Variants in HARS1 observed in about 807,000 individuals in gnomAD.
HARS1 encodes histidine--tRNA ligase, cytoplasmic.
HARS1 carries 45 observed loss-of-function variants against 63.6 expected under a neutral mutation model. The ratio of observed to expected loss-of-function variants is 0.71; its 90% CI spans 0.56 to 0.91. The LOEUF is 0.91. HARS1 is among the 40% of genes least tolerant of loss of function. HARS1 has a pLI of 0.00. For synonymous variants in HARS1, 205 were observed against 247.1 expected, an observed-to-expected ratio of 0.83 and a Z score of 1.60; for missense variants, 508 against 643.2, an observed-to-expected ratio of 0.79 and a Z score of 2.27.
intron 3 of HARS1, among the ~76,000 whole-genome samples, chr5:140,681,937 G>A (rs1758754670): frequency 6.6e-6 from 1 of 152,212 alleles, no homozygotes; most frequent in African/African-American, 2.4e-5. Flanking sequence ...AAGAGACATT[G>A]ATGAAGGAAA....
chr5:140,684,265 G>T, intron 2 of HARS1: 1 of 740,666 alleles, frequency 1.4e-6, no homozygotes, highest in Non-Finnish European at 1.6e-6. Context: ...ACTCCAGCCT[G>T]GGAGACAGAG....
intron 2 of HARS1, among the ~76,000 whole-genome samples, chr5:140,686,885 G>A (rs1346434497): frequency 2.0e-5 from 3 of 152,192 alleles, no homozygotes; most frequent in Non-Finnish European, 4.4e-5. Flanking sequence ...GAGCCACCAT[G>A]CCCTGACTAA....
At position 140,683,177 on chromosome 5, in the gene HARS1, T is replaced by G; in HGVS notation, c.223A>C (p.Lys75Gln). The change falls in exon 3 of 13, where the codon AAG (lysine) becomes CAG (glutamine). Residue 75 changes from lysine to glutamine, a missense_variant. Transcript: ENST00000504156. Reference protein sequence around the residue: ...YSPRQMAVREKVFDVIIRCFK... With the variant: ...YSPRQMAVREQVFDVIIRCFK... ...CAACGGATGATTACGTCAAACACCTTCTCGCGAACTGCCATCTGCCGGGGA... is the reference window on the plus strand; with the variant it reads ...CAACGGATGATTACGTCAAACACCTGCTCGCGAACTGCCATCTGCCGGGGA... The G allele has an allele frequency of 6.2e-7, 1 of 1,613,816 alleles. No individual in the cohort carries two copies. The highest frequency in any genetic ancestry group is 1.3e-5 in the African/African-American group (1 of 75,044).
chr5:140,675,805 T>G (rs1222680186), intron 10 of HARS1: 2 of 152,230 alleles, frequency 1.3e-5, no homozygotes, highest in African/African-American at 4.8e-5. Flanking sequence ...AGGAGAATGC[T>G]GCTGCTGCTT....
At chr5:140,680,554 T>A (rs560676062) in intron 3 of HARS1, among the ~76,000 whole-genome samples, 4 of 152,146 alleles carry the variant, frequency 2.6e-5, no homozygotes, top group South Asian at 2.1e-4. Context: ...TAAAAAAAAA[T>A]TTTTTTAGGC....
At chr5:140,686,236 TTTTA>T (rs1248402972) in intron 2 of HARS1, among the ~76,000 whole-genome samples, 1 of 147,850 alleles carries the variant, frequency 6.8e-6, no homozygotes, top group Non-Finnish European at 1.5e-5. Flanking sequence ...CCTGGCCTGT[TTTTA>T]TTTGTTTGTT....
Position 140,691,370 on chromosome 5 carries a change from T to C in HARS1, c.-66A>G, listed in dbSNP as rs1485769913. The C allele has an allele frequency of 3.2e-6, 4 of 1,245,138 alleles. No individual in the cohort carries two copies. The highest frequency in any genetic ancestry group is 2.1e-5 in the Admixed American group (1 of 47,298). 77.1% of individuals were successfully genotyped at this position (1,245,138 alleles called of 1,614,324 possible). On this transcript the variant is annotated 5_prime_UTR_variant, in exon 1 of 13. Transcript: ENST00000504156. ...GTGGTTGCCCCAGCCTCAGCAAGGA[T>C]GACTTCCGGCTATCGAGTCGCTGGG...
rs1193127905 is a variant in HARS1, at chr5:140,683,097, C to T, written c.300+3G>A. The T allele has an allele frequency of 2.5e-6, 4 of 1,612,380 alleles. No homozygotes were observed. The highest frequency in any genetic ancestry group is 3.4e-6 in the Non-Finnish European group (4 of 1,178,936). ...ATGTAGTTTCTTCTTGCCCATTCCT[C>T]ACCTTTAGTTCAAATACAGGTGTAT... is the stretch of plus-strand genomic sequence containing the variant. On this transcript the variant is annotated splice_donor_region_variant and intron_variant, in intron 3 of 12. Transcript: ENST00000504156.
chr5:140,677,999 C>T lies in HARS1; in HGVS notation c.539G>A (p.Gly180Glu). 1 of 1,602,478 alleles carries T rather than the reference C, an allele frequency of 6.2e-7. No individual in the cohort carries two copies. Among genetic ancestry groups the T allele is most frequent in the Non-Finnish European group, 8.6e-7 (1 of 1,169,570 alleles). ...EFYQCDFDIA[G>E]NFDPMIPDAE... ...ATCAGGGATCATGGGATCAAAGTTC[C>T]CAGCAATGTCAAAATCCTGCAGGGA... The change falls in exon 6 of 13, where the codon GGG (glycine) becomes GAG (glutamate). Residue 180 changes from glycine to glutamate, a missense_variant. By Grantham distance (98) the Gly-to-Glu change is moderately conservative (BLOSUM62 -2). This residue lies in a region of HARS1 where 403 missense variants were observed against 548.7 expected (regional missense o/e 0.73). Transcript: ENST00000504156.
At chr5:140,680,179 G>A (rs900223456) in intron 3 of HARS1, among the ~76,000 whole-genome samples, 22 of 147,838 alleles carry the variant, frequency 1.5e-4, no homozygotes, top group Non-Finnish European at 2.7e-4. Flanking sequence ...ATGGAGTCTC[G>A]CTCTGTCACC....
rs1758624014 is a variant in HARS1 at position 140,679,996 on chromosome 5, A to AT, written c.301-114dup. On this transcript the variant is annotated intron_variant, in intron 3 of 12. Transcript: ENST00000504156. The surrounding 1 kb of genome is among the most constrained non-coding windows in gnomAD (Gnocchi z 4.3). ...TTGTCTACATTTCCCTCTGCTCTTT[A>AT]TCCCAATTCTTAGGTGTCTGATGTA... is the stretch of plus-strand genomic sequence containing the variant. 1 of 570,780 alleles carries AT rather than the reference A, an allele frequency of 1.8e-6. No homozygotes were observed. Among genetic ancestry groups the AT allele is most frequent in the Non-Finnish European group, 3.1e-6 (1 of 321,144 alleles). The allele number at this position is 570,780 out of a possible 1,614,324, so 35.4% of individuals were successfully genotyped here. A position where few individuals can be genotyped will look rare whatever the true frequency, so the allele number is the denominator to read the frequency against.
chr5:140,684,401 T>A, intron 2 of HARS1: 1 of 983,348 alleles, frequency 1.0e-6, no homozygotes. Context: ...CTCAACTAAT[T>A]GAATTCCAAA....
chr5:140,678,774 G>A, intron 5 of HARS1: 1 of 359,450 alleles, frequency 2.8e-6, no homozygotes, highest in Admixed American at 4.6e-5. Context: ...AACCCAGGAG[G>A]CAGAGGTTGC....
chr5:140,680,582 G>A (rs1264824816), intron 3 of HARS1, among the ~76,000 whole-genome samples: 3 of 152,046 alleles, frequency 2.0e-5, no homozygotes, highest in Non-Finnish European at 2.9e-5. Flanking sequence ...AGCGGCTCAC[G>A]CCTGTAATCC....
At chr5:140,680,896 CTTTT>C (rs1209005938) in intron 3 of HARS1, among the ~76,000 whole-genome samples, 12 of 138,856 alleles carry the variant, frequency 8.6e-5, no homozygotes, top group African/African-American at 3.0e-4. Context: ...GTATATAGCT[CTTTT>C]TTTTTTTAAA....
Position 140,677,745 on chromosome 5 carries a change from A to G in HARS1, c.639T>C (p.Asp213=). The G allele has an allele frequency of 6.2e-7, 1 of 1,608,074 alleles. No individual in the cohort carries two copies. The part of the protein sequence containing the change: ...QIGDFLVKVN[D]RRILDGMFAI... ...CAAACATCCCATCTAGAATGCGTCG[A>G]TCGTTTACCTGCAAGGAACCAATGC... The change falls in exon 7 of 13, where the codon GAT becomes GAC. Residue 213 remains aspartate (D), a synonymous_variant. Transcript: ENST00000504156.
rs1331794645 is a variant in HARS1, at chr5:140,691,310, C to T, written c.-6G>A. On this transcript the variant is annotated 5_prime_UTR_variant, in exon 1 of 13. Coordinates refer to ENST00000504156, the MANE Select transcript of HARS1 (RefSeq NM_002109.6). The stretch of plus-strand genomic sequence containing the variant: ...AGCGCCGCACGCTCTGCCATCCCGG[C>T]TGTCCACTTGAGCCGCCTGCTGTCT... The T allele has an allele frequency of 4.4e-6, 7 of 1,601,046 alleles. No homozygotes were observed. The highest frequency in any genetic ancestry group is 3.4e-5 in the Admixed American group (2 of 59,218).
chr5:140,675,405 T>G, intron 10 of HARS1: 1 of 309,942 alleles, frequency 3.2e-6, no homozygotes, highest in East Asian at 6.6e-5. Context: ...CTCCATGTAG[T>G]ACCTTTTTTT....
chr5:140,679,483 T>G lies in HARS1; in HGVS notation c.396+305A>C, dbSNP rs181400061. The G allele has an allele frequency of 7.1e-4, 288 of 408,442 alleles. 2 individuals are homozygous for G. Among genetic ancestry groups the G allele is most frequent in the African/African-American group, 5.4e-3 (261 of 48,726 alleles). The allele number at this position is 408,442 out of a possible 1,614,324, so 25.3% of individuals were successfully genotyped here. ...TAGCTTGGAGACAAGGGAAATGTGT[T>G]GCTAGTCCATTAAGAAGAATTTTGT... On this transcript the variant is annotated intron_variant, in intron 4 of 12. Coordinates refer to ENST00000504156, the MANE Select transcript of HARS1 (RefSeq NM_002109.6). This position sits in a 1 kb window ranked among gnomAD's most constrained non-coding sequence, Gnocchi z 4.3.
Sources: allele counts gnomAD v4.1 joint callset (sites outside exome capture counted in the v4.1 genomes callset), GRCh38; gene constraint gnomAD v4.1.1; regional missense constraint gnomAD v4.1.1; non-coding constraint Gnocchi (gnomAD v3.1); transcripts MANE v1.5; gene names NCBI Gene and HGNC (gene_info 2026-07-23, HGNC 2026-07-21).